Variants in ZNF235 observed in about 807,000 individuals in gnomAD.
ZNF235 encodes the protein zfp-93.
In ZNF235, 25 loss-of-function variants were observed where a neutral mutation model predicts 29.4. The observed-to-expected ratio is 0.85, with a 90% confidence interval of 0.62 to 1.19. ZNF235 has a LOEUF of 1.19. Among genes scored for constraint, ZNF235 ranks in the 50% most tolerant of loss-of-function variants. The probability of loss-of-function intolerance (pLI) is 0.00; values close to 1 mark genes in which losing one functional copy is unlikely to be tolerated. For synonymous variants in ZNF235, 300 were observed against 295.3 expected (o/e 1.02, Z -0.16); for missense variants, 788 against 885.0 (o/e 0.89, Z 1.39).
At position 44,288,416 on chromosome 19, in the gene ZNF235, ACT is replaced by A. The variant is rs1975529084; in HGVS notation, c.1017_1018del (p.Arg339SerfsTer15). ...TGTATAGGGTTTCTCCCCTGTGTGGACTCTCTGATGAGTTTGCAGATTTGAGC... is the reference window on the plus strand; with the variant it reads ...TGTATAGGGTTTCTCCCCTGTGTGGACTCTGATGAGTTTGCAGATTTGAGC... On this transcript the variant is annotated frameshift_variant, in exon 5 of 5. Transcript: ENST00000291182. LOFTEE classifies it low-confidence loss of function (END_TRUNC). The A allele has an allele frequency of 3.1e-6, 5 of 1,614,140 alleles. No individual in the cohort carries two copies. The highest frequency in any genetic ancestry group is 1.3e-5 in the African/African-American group (1 of 75,042).
chr19:44,297,220 C>A, intron 4 of ZNF235: 1 of 196,626 alleles, frequency 5.1e-6, no homozygotes, highest in East Asian at 1.4e-4. Flanking sequence ...GCCCCTACAC[C>A]AAGTATGCCA....
chr19:44,296,610 T>C (rs1455886222), intron 4 of ZNF235, among the ~76,000 whole-genome samples: 1 of 152,228 alleles, frequency 6.6e-6, no homozygotes, highest in African/African-American at 2.4e-5. Context: ...TTCTATGTTT[T>C]ATACATTTTT....
Position 44,288,502 on chromosome 19 carries a change from A to T in ZNF235, c.933T>A (p.Ser311Arg). ...AATAGCGTTTTTTCCCAGTACGAAC[A>T]CTTTGTTGAACAGGAATACCTGAGC... Reference protein sequence around the residue: ...SYSSGIPVQQSVRTGKKRYWC... With the variant: ...SYSSGIPVQQRVRTGKKRYWC... Residue 311 changes from serine (S) to arginine (R), a missense_variant, in exon 5 of 5, where the codon AGT becomes AGA. Coordinates refer to ENST00000291182, the MANE Select transcript of ZNF235 (RefSeq NM_004234.4). 1 of 1,614,168 alleles carries T rather than the reference A, an allele frequency of 6.2e-7. No individual in the cohort carries two copies. Among genetic ancestry groups the T allele is most frequent in the Non-Finnish European group, 8.5e-7 (1 of 1,180,018 alleles).
intron 4 of ZNF235, among the ~76,000 whole-genome samples, chr19:44,294,748 G>A (rs1241038207): frequency 6.6e-6 from 1 of 150,598 alleles, no homozygotes; most frequent in Admixed American, 6.6e-5. Flanking sequence ...CCATGATCGA[G>A]TGGGTTTTAT....
chr19:44,303,381 C>G lies in ZNF235; in HGVS notation c.15+9G>C, dbSNP rs377704520. ...CATTTTAAGAAACACAAAGGCAAAC[C>G]AAACTTACCTGGAACTTGGTCATTT... On this transcript the variant is annotated intron_variant, in intron 2 of 4. Transcript: ENST00000291182. The G allele has an allele frequency of 8.8e-5, 141 of 1,610,960 alleles. No individual in the cohort carries two copies. Among genetic ancestry groups the G allele is most frequent in the Non-Finnish European group, 1.2e-4 (139 of 1,178,278 alleles).
chr19:44,304,103 G>GT lies in ZNF235; in HGVS notation c.-48-652dup, dbSNP rs373196626. Among the ~76,000 whole-genome samples the GT allele has an allele frequency of 6.8e-3, 1,026 of 151,534 alleles. 9 individuals are homozygous for GT. The highest frequency in any genetic ancestry group is 0.019 in the African/African-American group (805 of 41,304). Reference sequence around the variant, plus strand: ...GGTAATGATAGTTAAACTGCCACAGGTTTTTTTTTCCTCCAACAGATGTAA... The same window carrying GT: ...GGTAATGATAGTTAAACTGCCACAGGTTTTTTTTTTCCTCCAACAGATGTAA... On this transcript the variant is annotated intron_variant, in intron 1 of 4. Transcript: ENST00000291182.
In ZNF235 at chr19:44,302,955, TAAA is replaced by T. The variant is rs1975765087; in HGVS notation, c.15+432_15+434del. ...ATTTATATATACATATTTGTATATATAAATATATACGTATATATGTATATATTT... is the reference window on the plus strand; with the variant it reads ...ATTTATATATACATATTTGTATATATTATATACGTATATATGTATATATTT... On this transcript the variant is annotated intron_variant, in intron 2 of 4. Coordinates refer to ENST00000291182, the MANE Select transcript of ZNF235 (RefSeq NM_004234.4). 2.9e-5 allele frequency among the ~76,000 whole-genome samples: 3 copies of T among 105,104 alleles called. No homozygotes were observed. In the East Asian group the frequency reaches 7.9e-4, roughly 28 times the overall value. 69.0% of individuals were successfully genotyped at this position (105,104 alleles called of 152,430 possible). A position where few individuals can be genotyped will look rare whatever the true frequency, so the allele number is the denominator to read the frequency against.
chr19:44,303,021 T>C (rs963274253), intron 2 of ZNF235, among the ~76,000 whole-genome samples: 5 of 138,814 alleles, frequency 3.6e-5, no homozygotes, highest in African/African-American at 5.4e-5. Context: ...TATATTTATA[T>C]AAAATATACG....
chr19:44,298,706 T>G (rs746928195), intron 4 of ZNF235, 102 bp downstream of exon 4: 9 of 918,298 alleles, frequency 9.8e-6, no homozygotes, highest in Non-Finnish European at 1.5e-5. Flanking sequence ...ATGACAGATG[T>G]TTTTTAAAAA....
chr19:44,292,694 C>T (rs974866322), intron 4 of ZNF235, among the ~76,000 whole-genome samples: 1 of 151,882 alleles, frequency 6.6e-6, no homozygotes, highest in African/African-American at 2.4e-5. Context: ...TTGAGGAAAA[C>T]TTCCTTAATC....
intron 4 of ZNF235, among the ~76,000 whole-genome samples, chr19:44,295,284 C>A (rs1225273984): frequency 6.6e-6 from 1 of 152,058 alleles, no homozygotes; most frequent in African/African-American, 2.4e-5. Context: ...AGTAGCATTT[C>A]TATACGACAA....
At chr19:44,297,808 C>A (rs1975674797) in intron 4 of ZNF235, among the ~76,000 whole-genome samples, 1 of 152,084 alleles carries the variant, frequency 6.6e-6, no homozygotes, top group African/African-American at 2.4e-5. Flanking sequence ...GATTTCTGAG[C>A]AGAAGCATGA....
At chr19:44,303,252 T>C in intron 2 of ZNF235, 138 bp downstream of exon 2, 3 of 646,646 alleles carry the variant, frequency 4.6e-6, no homozygotes, top group Non-Finnish European at 8.2e-6. Context: ...TATATTGAAA[T>C]AAAAGGCAAC....
intron 4 of ZNF235, among the ~76,000 whole-genome samples, chr19:44,295,665 G>A (rs1291126974): frequency 6.6e-6 from 1 of 152,076 alleles, no homozygotes; most frequent in African/African-American, 2.4e-5. Flanking sequence ...AAAGCTGGAG[G>A]CATTACATTA....
intron 4 of ZNF235, among the ~76,000 whole-genome samples, chr19:44,294,262 C>G (rs1975623925): frequency 6.6e-6 from 1 of 152,082 alleles, no homozygotes; most frequent in East Asian, 1.9e-4. Flanking sequence ...TGATCAGACA[C>G]TCTTATGAAC....
In ZNF235 at chr19:44,288,989, A is replaced by G; in HGVS notation, c.446T>C (p.Ile149Thr). 1 of 1,614,070 alleles carries G rather than the reference A, an allele frequency of 6.2e-7. No homozygotes were observed. The highest frequency in any genetic ancestry group is 8.5e-7 in the Non-Finnish European group (1 of 1,179,930). The change falls in exon 5 of 5, where the codon ATT (isoleucine) becomes ACT (threonine). Residue 149 changes from isoleucine (I) to threonine (T), a missense_variant. Transcript: ENST00000291182. ...SPCQVGAGESIQASVDDNCLV... is the reference protein window; with the variant it reads ...SPCQVGAGESTQASVDDNCLV... ...ACAGTTGTCATCCACAGAAGCTTGAATAGATTCTCCTGCTCCCACTTGACA... is the reference window on the plus strand; with the variant it reads ...ACAGTTGTCATCCACAGAAGCTTGAGTAGATTCTCCTGCTCCCACTTGACA...
intron 2 of ZNF235, among the ~76,000 whole-genome samples, chr19:44,302,462 T>C (rs910096971): frequency 2.6e-5 from 4 of 152,050 alleles, no homozygotes; most frequent in African/African-American, 7.3e-5. Context: ...ATGTGGGAAA[T>C]GATTTGTAAA....
rs1599884977 is a variant in ZNF235 at position 44,287,036 on chromosome 19, G to A, written c.*182C>T. The stretch of plus-strand genomic sequence containing the variant: ...AAGTTTTCTCGCATCTGTGAAATAT[G>A]ACGTTTGTAAAGAATTCATGTCCTA... On this transcript the variant is annotated 3_prime_UTR_variant, in exon 5 of 5. Transcript: ENST00000291182. 2 of 589,570 alleles carry A rather than the reference G, an allele frequency of 3.4e-6. No individual in the cohort carries two copies. Among genetic ancestry groups the A allele is most frequent in the African/African-American group, 1.9e-5 (1 of 53,928 alleles). 36.5% of individuals were successfully genotyped at this position (589,570 alleles called of 1,614,324 possible). A position where few individuals can be genotyped will look rare whatever the true frequency, so the allele number is the denominator to read the frequency against.
intron 2 of ZNF235, among the ~76,000 whole-genome samples, chr19:44,302,672 T>C (rs1362096819): frequency 1.3e-5 from 2 of 150,708 alleles, no homozygotes; most frequent in African/African-American, 2.4e-5. Context: ...GGAGGATCTC[T>C]TGAGCCCAGG....
Sources: allele counts gnomAD v4.1 joint callset (sites outside exome capture counted in the v4.1 genomes callset), GRCh38; gene constraint gnomAD v4.1.1; transcripts MANE v1.5; gene names NCBI Gene and HGNC (gene_info 2026-07-23, HGNC 2026-07-21).